The following RNF121 variants were observed in gnomAD, a reference collection of about 807,000 sequenced individuals.
RNF121 encodes the protein E3 ubiquitin ligase RNF121.
Under a neutral mutation model 46.5 loss-of-function variants are expected in RNF121, and 21 were observed. That is an observed-to-expected ratio of 0.45 (90% CI 0.32 to 0.65). RNF121 has a LOEUF of 0.65. Ranked by LOEUF, RNF121 falls within the 30% of genes least tolerant of loss-of-function variation. The pLI is 0.04. For synonymous variants in RNF121, 139 were observed against 144.7 expected, an observed-to-expected ratio of 0.96 and a Z score of 0.28; for missense variants, 346 against 416.0, an observed-to-expected ratio of 0.83 and a Z score of 1.46.
intron 3 of RNF121, among the ~76,000 whole-genome samples, chr11:71,973,089 G>A (rs1256960726): frequency 1.3e-5 from 2 of 152,128 alleles, no homozygotes; most frequent in Non-Finnish European, 2.9e-5. Context: ...GGAAGGCTGA[G>A]GCAGGAGAAT....
At chr11:71,959,552 T>C (rs889809266) in intron 2 of RNF121, among the ~76,000 whole-genome samples, 2 of 152,190 alleles carry the variant, frequency 1.3e-5, no homozygotes, top group African/African-American at 4.8e-5. Flanking sequence ...TATTTGATTT[T>C]ATTATTTATT....
rs959500477 is a variant in RNF121, at chr11:71,995,326, C to T, written c.762-124C>T. ...ACATGTGAGGAAACAGGTTCAGACA[C>T]AGGGACTTGCCCAACATTACAGAGC... On this transcript the variant is annotated intron_variant, in intron 7 of 8. Coordinates refer to ENST00000361756, the MANE Select transcript of RNF121 (RefSeq NM_018320.5). The T allele has an allele frequency of 4.0e-6, 3 of 746,538 alleles. No individual in the cohort carries two copies. The African/African-American group carries it at 5.2e-5, about 13-fold the overall frequency. 46.2% of individuals were successfully genotyped at this position (746,538 alleles called of 1,614,324 possible).
At position 71,988,640 on chromosome 11, in the gene RNF121, T is replaced by TAA. The variant is rs35970528; in HGVS notation, c.506+1543_506+1544dup. Among the ~76,000 whole-genome samples, 746 of 137,674 alleles carry TAA rather than the reference T, an allele frequency of 5.4e-3. 4 individuals carry two copies. Among genetic ancestry groups the TAA allele is most frequent in the African/African-American group, 0.013 (488 of 37,172 alleles). The allele number at this position is 137,674 out of a possible 152,430, so 90.3% of individuals were successfully genotyped here. A position where few individuals can be genotyped will look rare whatever the true frequency, so the allele number is the denominator to read the frequency against. On this transcript the variant is annotated intron_variant, in intron 5 of 8. Coordinates refer to ENST00000361756, the MANE Select transcript of RNF121 (RefSeq NM_018320.5). ...GCAACATAGTGAGACTCTCAACTCTTAAAAAAAAAAAAAAAGAAAGAAAGA... is the reference window on the plus strand; with the variant it reads ...GCAACATAGTGAGACTCTCAACTCTTAAAAAAAAAAAAAAAAAGAAAGAAAGA...
chr11:71,937,140 C>T (rs1259209217), intron 1 of RNF121, among the ~76,000 whole-genome samples: 3 of 152,138 alleles, frequency 2.0e-5, no homozygotes, highest in Non-Finnish European at 4.4e-5. Flanking sequence ...CTTTCTGCTC[C>T]CGTAGCGCCC....
At chr11:71,980,619 T>G (rs533177538) in intron 3 of RNF121, among the ~76,000 whole-genome samples, 1 of 152,304 alleles carries the variant, frequency 6.6e-6, no homozygotes, top group South Asian at 2.1e-4. Flanking sequence ...AGTGCTGGGA[T>G]TACAGGTGTG....
At chr11:71,993,662 G>A (rs917515259) in intron 6 of RNF121, among the ~76,000 whole-genome samples, 1 of 152,048 alleles carries the variant, frequency 6.6e-6, no homozygotes, top group Non-Finnish European at 1.5e-5. Flanking sequence ...GAGCACTGGC[G>A]TTTAAGTGTG....
intron 2 of RNF121, among the ~76,000 whole-genome samples, chr11:71,959,614 CCTTCT>C (rs1408752700): frequency 2.0e-5 from 3 of 150,928 alleles, no homozygotes; most frequent in African/African-American, 7.3e-5. Context: ...CTCTCTAATT[CCTTCT>C]CTTCTCTCTC....
chr11:71,964,013 A>G (rs886807239), intron 3 of RNF121, among the ~76,000 whole-genome samples: 1 of 152,210 alleles, frequency 6.6e-6, no homozygotes, highest in African/African-American at 2.4e-5. Context: ...GCAATTCCTT[A>G]TTAATTTTAA....
chr11:71,954,298 CT>C (rs1222186841), intron 1 of RNF121, among the ~76,000 whole-genome samples: 1 of 152,060 alleles, frequency 6.6e-6, no homozygotes, highest in African/African-American at 2.4e-5. Context: ...CTTAAATAAC[CT>C]TTTTGGTCAG....
chr11:71,957,368 T>C (rs1191436544), intron 2 of RNF121, 104 bp downstream of exon 2: 1 of 799,980 alleles, frequency 1.3e-6, no homozygotes, highest in Non-Finnish European at 2.3e-6. Context: ...TAGGAGGCAG[T>C]GGCTCATGAC....
intron 3 of RNF121, among the ~76,000 whole-genome samples, chr11:71,977,831 G>A (rs919851714): frequency 3.9e-5 from 6 of 151,962 alleles, no homozygotes; most frequent in African/African-American, 7.3e-5. Flanking sequence ...TGTTTATATC[G>A]CATTAGCCAA....
At chr11:71,946,654 T>C (rs143725515) in intron 1 of RNF121, among the ~76,000 whole-genome samples, 1 of 151,872 alleles carries the variant, frequency 6.6e-6, no homozygotes, top group African/African-American at 2.4e-5. Context: ...GAGGTTTTTT[T>C]TTTTTTTTTA....
intron 3 of RNF121, among the ~76,000 whole-genome samples, chr11:71,968,494 T>C (rs1316632459): frequency 6.6e-6 from 1 of 152,216 alleles, no homozygotes; most frequent in Non-Finnish European, 1.5e-5. Flanking sequence ...TTTTAGGTAA[T>C]AGCCATAGCT....
At chr11:71,959,698 C>G (rs1056044855) in intron 2 of RNF121, among the ~76,000 whole-genome samples, 5 of 146,926 alleles carry the variant, frequency 3.4e-5, no homozygotes, top group African/African-American at 1.3e-4. Context: ...TGCAGTGTTG[C>G]GATCTTGGCT....
intron 1 of RNF121, among the ~76,000 whole-genome samples, chr11:71,951,866 C>T (rs1953889489): frequency 6.6e-6 from 1 of 152,128 alleles, no homozygotes. Context: ...TCACACACTG[C>T]TGGTGGGACT....
intron 1 of RNF121, among the ~76,000 whole-genome samples, chr11:71,937,790 T>G (rs1008222886): frequency 3.9e-5 from 6 of 152,240 alleles, no homozygotes; most frequent in African/African-American, 1.2e-4. Flanking sequence ...CCAGTAATCC[T>G]GGCTTTATTT....
intron 1 of RNF121, among the ~76,000 whole-genome samples, chr11:71,934,962 T>A (rs1554984299): frequency 7.0e-5 from 8 of 115,090 alleles, no homozygotes; most frequent in East Asian, 2.4e-4. Flanking sequence ...TTTTTTTTTT[T>A]AGACAGTCTT....
chr11:71,950,533 G>C (rs990269099), intron 1 of RNF121, among the ~76,000 whole-genome samples: 2 of 150,926 alleles, frequency 1.3e-5, no homozygotes, highest in Non-Finnish European at 3.0e-5. Flanking sequence ...GCAGTGAACC[G>C]AGATCATGCC....
At chr11:71,955,291 C>G (rs1403321713) in intron 1 of RNF121, among the ~76,000 whole-genome samples, 1 of 152,162 alleles carries the variant, frequency 6.6e-6, no homozygotes, top group Non-Finnish European at 1.5e-5. Flanking sequence ...GAATGACTAA[C>G]ATAGAACAGT....
Sources: gnomAD v4.1 joint callset for allele counts (sites outside exome capture counted in the v4.1 genomes callset) on GRCh38, gnomAD v4.1.1 for gene constraint, MANE v1.5 for transcripts, NCBI Gene and HGNC (gene_info 2026-07-23, HGNC 2026-07-21) for gene names.